Variants in NKAIN3 observed in about 807,000 individuals in gnomAD.
NKAIN3 encodes the protein sodium/potassium transporting ATPase interacting 3.
In NKAIN3, 25 loss-of-function variants were observed where a neutral mutation model predicts 30.2. The ratio of observed to expected loss-of-function variants is 0.83; its 90% CI spans 0.60 to 1.16. NKAIN3 has a LOEUF of 1.16. NKAIN3 is among the 50% of genes most tolerant of loss of function. NKAIN3 has a pLI of 0.00. For synonymous variants in NKAIN3, 91 were observed against 89.6 expected, an observed-to-expected ratio of 1.02 and a Z score of -0.09; for missense variants, 225 against 254.1, an observed-to-expected ratio of 0.89 and a Z score of 0.78.
At chr8:62,346,262 C>T (rs925792728) in intron 1 of NKAIN3, among the ~76,000 whole-genome samples, 3 of 151,946 alleles carry the variant, frequency 2.0e-5, no homozygotes, top group Non-Finnish European at 2.9e-5. Context: ...TTAAAGTGAT[C>T]GATGTGTCAA....
chr8:62,259,055 G>A (rs1812349504), intron 1 of NKAIN3, among the ~76,000 whole-genome samples: 1 of 152,180 alleles, frequency 6.6e-6, no homozygotes. Context: ...TAGTGCTGGA[G>A]TATTGGTGCC....
chr8:62,921,754 A>G (rs1563629162), intron 5 of NKAIN3, among the ~76,000 whole-genome samples: 1 of 152,218 alleles, frequency 6.6e-6, no homozygotes, highest in Non-Finnish European at 1.5e-5. Flanking sequence ...TCATGAGACT[A>G]GAATCTCTGG....
At chr8:62,461,002 G>T (rs1170036117) in intron 1 of NKAIN3, among the ~76,000 whole-genome samples, 5 of 152,174 alleles carry the variant, frequency 3.3e-5, no homozygotes, top group South Asian at 2.1e-4. Flanking sequence ...CAGGTATAAG[G>T]CTGAGTACCT....
chr8:62,667,350 T>TATATGTATATATATATGA (rs1563507996), intron 3 of NKAIN3, among the ~76,000 whole-genome samples: 4 of 77,524 alleles, frequency 5.2e-5, no homozygotes, highest in African/African-American at 2.5e-4. Context: ...ATATTCTTTA[T>TATATGTATATATATATGA]ATATATATCT....
At chr8:62,777,117 A>G (rs1817217046) in intron 4 of NKAIN3, among the ~76,000 whole-genome samples, 1 of 152,128 alleles carries the variant, frequency 6.6e-6, no homozygotes, top group African/African-American at 2.4e-5. Context: ...TGCTGCTTTT[A>G]GAAACTTTCT....
chr8:62,663,880 T>G (rs181795235), intron 3 of NKAIN3, among the ~76,000 whole-genome samples: 413 of 152,290 alleles, frequency 2.7e-3, no homozygotes, highest in Middle Eastern at 0.01. Flanking sequence ...TTGAATAAAT[T>G]CAAACAATTC....
chr8:62,645,518 A>G (rs1006191573), intron 3 of NKAIN3, among the ~76,000 whole-genome samples: 49 of 152,322 alleles, frequency 3.2e-4, no homozygotes, highest in African/African-American at 1.1e-3. Context: ...ATCAAGAAGT[A>G]AAAAGGCTGC....
At chr8:62,492,833 G>C (rs1807114691) in intron 1 of NKAIN3, among the ~76,000 whole-genome samples, 1 of 152,128 alleles carries the variant, frequency 6.6e-6, no homozygotes, top group South Asian at 2.1e-4. Flanking sequence ...TTGAAGAATT[G>C]TCACATTTCT....
chr8:62,940,905 A>G (rs931981551), intron 5 of NKAIN3, among the ~76,000 whole-genome samples: 30 of 152,052 alleles, frequency 2.0e-4, no homozygotes, highest in African/African-American at 7.0e-4. Flanking sequence ...AGAAGAAATA[A>G]CAATGATCAG....
At chr8:62,911,784 T>C (rs956034854) in intron 4 of NKAIN3, among the ~76,000 whole-genome samples, 1 of 152,148 alleles carries the variant, frequency 6.6e-6, no homozygotes, top group African/African-American at 2.4e-5. Flanking sequence ...CAAAGAGGTA[T>C]ACAAAGTAAC....
At chr8:62,407,721 G>T (rs895341846) in intron 1 of NKAIN3, among the ~76,000 whole-genome samples, 3 of 152,140 alleles carry the variant, frequency 2.0e-5, no homozygotes, top group Non-Finnish European at 4.4e-5. Context: ...GTGAGCCCCC[G>T]TGCCCAGCCT....
chr8:62,865,559 A>G (rs1406212563), intron 4 of NKAIN3, among the ~76,000 whole-genome samples: 1 of 152,074 alleles, frequency 6.6e-6, no homozygotes, highest in Non-Finnish European at 1.5e-5. Context: ...GTCTCTAAGC[A>G]TTGTTTCTTG....
At chr8:62,465,449 A>G (rs1043612323) in intron 1 of NKAIN3, among the ~76,000 whole-genome samples, 5 of 152,250 alleles carry the variant, frequency 3.3e-5, no homozygotes, top group African/African-American at 7.2e-5. Context: ...ACAAAAAATC[A>G]TAAATGCCTA....
chr8:62,871,031 A>T (rs1040982076), intron 4 of NKAIN3, among the ~76,000 whole-genome samples: 1 of 152,064 alleles, frequency 6.6e-6, no homozygotes, highest in Admixed American at 6.6e-5. Flanking sequence ...ACAAACAAAA[A>T]TTGTATATAT....
At position 62,652,387 on chromosome 8, in the gene NKAIN3, G is replaced by A. The variant is rs910670670; in HGVS notation, c.273+62593G>A. 2.6e-5 allele frequency among the ~76,000 whole-genome samples: 4 copies of A among 152,096 alleles called. No homozygotes were observed. The South Asian group carries it at 6.2e-4, about 24-fold the overall frequency. Reference sequence around the variant, plus strand: ...TAGACCAATTAATAAACTATGCAAAGGCTCTCCCCACACTGGCTGGCTTGT... The same window carrying A: ...TAGACCAATTAATAAACTATGCAAAAGCTCTCCCCACACTGGCTGGCTTGT... On this transcript the variant is annotated intron_variant, in intron 3 of 6. Transcript: ENST00000623646.
intron 3 of NKAIN3, among the ~76,000 whole-genome samples, chr8:62,649,039 T>G (rs962149008): frequency 6.6e-6 from 1 of 152,202 alleles, no homozygotes; most frequent in African/African-American, 2.4e-5. Flanking sequence ...TTGGATAATG[T>G]GTAAACTGGG....
chr8:62,523,319 C>G (rs1306507777), intron 1 of NKAIN3, among the ~76,000 whole-genome samples: 2 of 152,050 alleles, frequency 1.3e-5, no homozygotes, highest in African/African-American at 2.4e-5. Context: ...GCGAAACTGT[C>G]TAATAACACA....
intron 1 of NKAIN3, among the ~76,000 whole-genome samples, chr8:62,463,811 T>A (rs1262351715): frequency 6.6e-6 from 1 of 152,182 alleles, no homozygotes; most frequent in Non-Finnish European, 1.5e-5. Context: ...AGTAAAAGAT[T>A]AACAATAAAT....
At chr8:62,385,300 A>G (rs966018713) in intron 1 of NKAIN3, among the ~76,000 whole-genome samples, 1 of 152,198 alleles carries the variant, frequency 6.6e-6, no homozygotes, top group African/African-American at 2.4e-5. Context: ...CCTGGAGGGT[A>G]CAACTCAACT....
Sources: allele counts gnomAD v4.1 joint callset (sites outside exome capture counted in the v4.1 genomes callset), GRCh38; gene constraint gnomAD v4.1.1; transcripts MANE v1.5; gene names NCBI Gene and HGNC (gene_info 2026-07-23, HGNC 2026-07-21).